COLEC12: variants seen among roughly 807,000 people sequenced by gnomAD.
The protein encoded by COLEC12 is collectin subfamily member 12.
COLEC12 carries 33 observed loss-of-function variants against 71.1 expected under a neutral mutation model. The observed-to-expected ratio is 0.46, with a 90% CI of 0.35 to 0.62. The LOEUF (loss-of-function observed/expected upper bound fraction) is 0.62. Among genes scored for constraint, COLEC12 ranks in the 20% least tolerant of loss-of-function variants. The probability of loss-of-function intolerance (pLI) is 0.00; values close to 1 mark genes in which losing one functional copy is unlikely to be tolerated. For synonymous variants in COLEC12, 350 were observed against 353.0 expected (o/e 0.99, Z 0.10); for missense variants, 765 against 916.1 (o/e 0.84, Z 2.13).
At chr18:495,842 T>TC (rs944156420) in intron 1 of COLEC12, among the ~76,000 whole-genome samples, 10 of 151,866 alleles carry the variant, frequency 6.6e-5, no homozygotes, top group South Asian at 2.1e-4. Context: ...TGAATACTGA[T>TC]CCCCCCCGCC....
chr18:346,717 G>A lies in COLEC12; in HGVS notation c.905C>T (p.Thr302Ile), dbSNP rs746850830. 8.7e-6 allele frequency: 14 copies of A among 1,614,100 alleles called. No homozygotes were observed. Among genetic ancestry groups the A allele is most frequent in the Non-Finnish European group, 1.2e-5 (14 of 1,180,022 alleles). Residue 302 changes from threonine (T) to isoleucine (I), a missense_variant, in exon 5 of 10, where the codon ACT becomes ATT. By Grantham distance (89) the Thr-to-Ile change is moderately conservative (BLOSUM62 -1). Transcript: ENST00000400256. This position sits in a 1 kb window ranked among gnomAD's most constrained non-coding sequence, Gnocchi z 4.0. ...SFTGQMENIT[T>I]ISQANEQNLK... ...GTTCTGCTCGTTGGCTTGAGAGATAGTGGTGATGTTCTCCATCTGACCTGT... is the reference window on the plus strand; with the variant it reads ...GTTCTGCTCGTTGGCTTGAGAGATAATGGTGATGTTCTCCATCTGACCTGT...
At chr18:381,719 GA>G (rs1915235235) in intron 2 of COLEC12, among the ~76,000 whole-genome samples, 1 of 152,180 alleles carries the variant, frequency 6.6e-6, no homozygotes, top group Admixed American at 6.5e-5. Context: ...GGAAAAAATG[GA>G]AACTTTTAAT....
rs116488847 is a variant in COLEC12 at position 464,652 on chromosome 18, G to A, written c.58+16055C>T. On this transcript the variant is annotated intron_variant, in intron 2 of 9. Coordinates refer to ENST00000400256, the MANE Select transcript of COLEC12 (RefSeq NM_130386.3). ...ATTTCTCAAACTACAGTAGAGATAC[G>A]TTGATCTTTTTTCTCCCCGGCTAGA... 5.3e-3 allele frequency among the ~76,000 whole-genome samples: 805 copies of A among 152,238 alleles called. 2 individuals carry two copies. The highest frequency in any genetic ancestry group is 0.018 in the African/African-American group (745 of 41,546).
At chr18:468,176 C>T (rs181251317) in intron 2 of COLEC12, among the ~76,000 whole-genome samples, 313 of 151,118 alleles carry the variant, frequency 2.1e-3, no homozygotes, top group Admixed American at 2.8e-3. Flanking sequence ...GCAGGAGAAT[C>T]GCTTAAACCC....
rs145652879 is a variant in COLEC12 at position 436,385 on chromosome 18, C to T, written c.58+44322G>A. Among the ~76,000 whole-genome samples the T allele has an allele frequency of 1.2e-4, 18 of 151,796 alleles. No individual in the cohort carries two copies. In the East Asian group the frequency reaches 3.3e-3, roughly 28 times the overall value. ...AATTAGCCAGGTGTGGTGGCGGGTA[C>T]ATGTAATTAATCCCAGATGGTCCGG... On this transcript the variant is annotated intron_variant, in intron 2 of 9. Transcript: ENST00000400256.
chr18:342,810 AG>A (rs1423510324), intron 5 of COLEC12, among the ~76,000 whole-genome samples: 1 of 152,218 alleles, frequency 6.6e-6, no homozygotes, highest in Non-Finnish European at 1.5e-5. Context: ...GTGAACAACA[AG>A]ACCAGTGATA....
At chr18:421,083 A>G (rs58695208) in intron 2 of COLEC12, among the ~76,000 whole-genome samples, 2,300 of 152,302 alleles carry the variant, frequency 0.015, 66 homozygotes, top group African/African-American at 0.053. Flanking sequence ...ACAAAGCCAC[A>G]CAGCTTTAAC....
rs1325647201 is a variant in COLEC12 at position 468,083 on chromosome 18, G to A, written c.58+12624C>T. ...TCGAGACCAGCCTGGCCAATATGGT[G>A]AAACCCCATCTCCACTAAAAATACA... is the stretch of plus-strand genomic sequence containing the variant. On this transcript the variant is annotated intron_variant, in intron 2 of 9. Coordinates refer to ENST00000400256, the MANE Select transcript of COLEC12 (RefSeq NM_130386.3). 3.3e-5 allele frequency among the ~76,000 whole-genome samples: 5 copies of A among 152,050 alleles called. No individual in the cohort carries two copies. In the East Asian group the frequency reaches 9.6e-4, roughly 29 times the overall value.
At chr18:320,834 T>C (rs945808730) in intron 9 of COLEC12, among the ~76,000 whole-genome samples, 1 of 152,184 alleles carries the variant, frequency 6.6e-6, no homozygotes, top group African/African-American at 2.4e-5. Flanking sequence ...GAGGGTCGTG[T>C]GTTAAATGAA....
intron 2 of COLEC12, among the ~76,000 whole-genome samples, chr18:472,505 C>T (rs537518900): frequency 1.3e-5 from 2 of 151,562 alleles, no homozygotes; most frequent in Non-Finnish European, 2.9e-5. Context: ...ATAATGAGAC[C>T]CCCATCTCTA....
chr18:343,404 C>A (rs542584183), intron 5 of COLEC12, among the ~76,000 whole-genome samples: 1 of 152,118 alleles, frequency 6.6e-6, no homozygotes, highest in Non-Finnish European at 1.5e-5. Flanking sequence ...ATCTCCAACT[C>A]TCCTCCTGAA....
At chr18:403,145 C>T (rs62087993) in intron 2 of COLEC12, among the ~76,000 whole-genome samples, 35,914 of 152,140 alleles carry the variant, frequency 0.24, 5,327 homozygotes, top group South Asian at 0.47. Context: ...CCTCTGGCTA[C>T]GGCTGAGTCC....
intron 2 of COLEC12, among the ~76,000 whole-genome samples, chr18:478,733 C>T (rs1787191509): frequency 6.6e-6 from 1 of 152,232 alleles, no homozygotes; most frequent in African/African-American, 2.4e-5. Context: ...TCCAAGAATT[C>T]TCAGCATCAG....
At chr18:474,854 C>T (rs752719692) in intron 2 of COLEC12, among the ~76,000 whole-genome samples, 52 of 152,114 alleles carry the variant, frequency 3.4e-4, no homozygotes, top group Non-Finnish European at 5.6e-4. Context: ...AGGCGGATCA[C>T]CCAAGGTCAG....
chr18:455,409 C>T (rs898597693), intron 2 of COLEC12, among the ~76,000 whole-genome samples: 1 of 151,834 alleles, frequency 6.6e-6, no homozygotes. Context: ...TCCTGAGTAG[C>T]TGGGACTACA....
At chr18:441,998 TCTCTACA>T (rs1203270925) in intron 2 of COLEC12, among the ~76,000 whole-genome samples, 1 of 117,316 alleles carries the variant, frequency 8.5e-6, no homozygotes, top group Non-Finnish European at 1.7e-5. Flanking sequence ...AGACTCTCTC[TCTCTACA>T]CACACACACA....
intron 2 of COLEC12, among the ~76,000 whole-genome samples, chr18:409,401 G>C (rs993323904): frequency 6.6e-6 from 1 of 152,120 alleles, no homozygotes; most frequent in Non-Finnish European, 1.5e-5. Flanking sequence ...GGGTGTGGTG[G>C]TGCACGCCTG....
chr18:405,046 T>G (rs764437455), intron 2 of COLEC12, among the ~76,000 whole-genome samples: 5 of 152,142 alleles, frequency 3.3e-5, no homozygotes, highest in Non-Finnish European at 7.4e-5. Context: ...GCGGTTGAGA[T>G]AAGGACTGAG....
intron 2 of COLEC12, among the ~76,000 whole-genome samples, chr18:406,457 C>T (rs12606130): frequency 0.11 from 14,494 of 133,444 alleles, 752 homozygotes; most frequent in Admixed American, 0.18. Context: ...TGCAGTGAGC[C>T]GAGATTGCGC....
Sources: allele counts gnomAD v4.1 joint callset (sites outside exome capture counted in the v4.1 genomes callset), GRCh38; gene constraint gnomAD v4.1.1; non-coding constraint Gnocchi (gnomAD v3.1); transcripts MANE v1.5; gene names NCBI Gene and HGNC (gene_info 2026-07-23, HGNC 2026-07-21).